The following PTPRD variants were observed in gnomAD, a reference collection of about 807,000 sequenced individuals.
PTPRD encodes the protein receptor-type tyrosine-protein phosphatase delta.
PTPRD carries 34 observed loss-of-function variants against 214.5 expected under a neutral mutation model. That is an observed-to-expected ratio of 0.16 (90% CI 0.12 to 0.21). PTPRD has a LOEUF of 0.21. Ranked by LOEUF, PTPRD falls within the 10% of genes least tolerant of loss-of-function variation. The probability of loss-of-function intolerance (pLI) is 1.00; values close to 1 mark genes in which losing one functional copy is unlikely to be tolerated. For missense variants in PTPRD, 2,545 were observed against 2,398.7 expected (o/e 1.06, Z -1.27); for synonymous variants, 1,128 against 845.7 (o/e 1.33, Z -5.79).
At chr9:9,173,258 A>G (rs1206729038) in intron 10 of PTPRD, among the ~76,000 whole-genome samples, 1 of 152,076 alleles carries the variant, frequency 6.6e-6, no homozygotes, top group African/African-American at 2.4e-5. Flanking sequence ...CTCCTTACTC[A>G]ATACTTTAAT....
intron 39 of PTPRD, among the ~76,000 whole-genome samples, chr9:8,348,677 C>T (rs1473468173): frequency 6.6e-6 from 1 of 152,104 alleles, no homozygotes; most frequent in Non-Finnish European, 1.5e-5. Context: ...ATTTTCATTA[C>T]AAGATTCTTG....
At chr9:9,673,957 G>A (rs1311073398) in intron 7 of PTPRD, among the ~76,000 whole-genome samples, 1 of 151,716 alleles carries the variant, frequency 6.6e-6, no homozygotes, top group Non-Finnish European at 1.5e-5. Context: ...CAAGAAAAAT[G>A]ATGAAATAAT....
chr9:9,465,384 G>C (rs1237811180), intron 8 of PTPRD, among the ~76,000 whole-genome samples: 1 of 152,072 alleles, frequency 6.6e-6, no homozygotes, highest in African/African-American at 2.4e-5. Context: ...TAAACAAGAT[G>C]GTATTTTATA....
intron 11 of PTPRD, among the ~76,000 whole-genome samples, chr9:8,812,996 C>T (rs10739171): frequency 0.8 from 122,282 of 151,914 alleles, 49,969 homozygotes; most frequent in East Asian, 0.93. Flanking sequence ...CTTTTGCTTC[C>T]GCTCCTCATG....
chr9:8,774,190 T>C (rs78174257), intron 11 of PTPRD, among the ~76,000 whole-genome samples: 168 of 152,286 alleles, frequency 1.1e-3, no homozygotes, highest in African/African-American at 3.8e-3. Context: ...TAAATATATC[T>C]TAACTGGGAT....
Position 10,576,619 on chromosome 9 carries a change from T to C in PTPRD, c.-600+35779A>G, listed in dbSNP as rs577056392. ...ACTGATTTTCTTCCCTGCTAAACGA[T>C]TGTCTCATCACTGAAGCTTCAGCAA... On this transcript the variant is annotated intron_variant, in intron 2 of 45. Coordinates refer to ENST00000381196, the MANE Select transcript of PTPRD (RefSeq NM_002839.4). Among the ~76,000 whole-genome samples the C allele has an allele frequency of 1.2e-4, 19 of 152,196 alleles. No individual in the cohort carries two copies. In the South Asian group the frequency reaches 1.7e-3, roughly 13 times the overall value.
chr9:10,499,129 A>C (rs1170006218), intron 2 of PTPRD, among the ~76,000 whole-genome samples: 1 of 151,944 alleles, frequency 6.6e-6, no homozygotes, highest in East Asian at 1.9e-4. Context: ...TTTGTTACCA[A>C]AGAAAATTCA....
chr9:8,375,764 C>G (rs1295994965), intron 39 of PTPRD, among the ~76,000 whole-genome samples, 172 bp downstream of exon 39: 1 of 152,052 alleles, frequency 6.6e-6, no homozygotes, highest in African/African-American at 2.4e-5. Flanking sequence ...AAATATGCAT[C>G]TATGTCAAAT....
chr9:8,832,603 G>A (rs1358658288), intron 11 of PTPRD, among the ~76,000 whole-genome samples: 1 of 151,978 alleles, frequency 6.6e-6, no homozygotes, highest in East Asian at 1.9e-4. Flanking sequence ...ATTAACCAGT[G>A]TTTGCACCCA....
chr9:8,628,397 C>T (rs116953029), intron 14 of PTPRD, among the ~76,000 whole-genome samples: 9 of 151,884 alleles, frequency 5.9e-5, no homozygotes, highest in Non-Finnish European at 1.2e-4. Context: ...ATTATGCAAA[C>T]ATTTCTATTT....
intron 3 of PTPRD, among the ~76,000 whole-genome samples, chr9:10,219,022 C>A (rs948830090): frequency 2.0e-5 from 3 of 151,574 alleles, no homozygotes; most frequent in Admixed American, 6.6e-5. Context: ...AAAAACAAAC[C>A]GAGGCACCAC....
At chr9:10,000,349 T>A (rs767699883) in intron 4 of PTPRD, among the ~76,000 whole-genome samples, 2 of 152,252 alleles carry the variant, frequency 1.3e-5, no homozygotes, top group Middle Eastern at 3.4e-3. Context: ...ATTTTTAACC[T>A]TCTTGTAAAA....
intron 8 of PTPRD, among the ~76,000 whole-genome samples, chr9:9,447,647 C>T (rs2090887937): frequency 6.6e-6 from 1 of 151,996 alleles, no homozygotes. Flanking sequence ...GAGAAACCTG[C>T]ACATGTACCC....
At chr9:8,758,536 T>C (rs758190275) in intron 11 of PTPRD, among the ~76,000 whole-genome samples, 1 of 152,150 alleles carries the variant, frequency 6.6e-6, no homozygotes, top group Non-Finnish European at 1.5e-5. Flanking sequence ...AGAGAAATGC[T>C]AGAATGAAAG....
intron 11 of PTPRD, among the ~76,000 whole-genome samples, chr9:8,786,953 G>A (rs1399279375): frequency 6.6e-6 from 1 of 151,628 alleles, no homozygotes; most frequent in East Asian, 2.0e-4. Context: ...TGCCCAGGCT[G>A]CAGTGTAGTG....
At chr9:8,371,733 C>A (rs942879807) in intron 39 of PTPRD, among the ~76,000 whole-genome samples, 3 of 151,970 alleles carry the variant, frequency 2.0e-5, no homozygotes, top group African/African-American at 7.2e-5. Flanking sequence ...TTTGCAACCT[C>A]TGCAATACAA....
At chr9:8,735,540 C>A (rs1017648271) in intron 11 of PTPRD, among the ~76,000 whole-genome samples, 1 of 152,150 alleles carries the variant, frequency 6.6e-6, no homozygotes, top group African/African-American at 2.4e-5. Flanking sequence ...AGTCCAGAGA[C>A]CACACTTTGA....
At chr9:9,680,138 C>A (rs550023359) in intron 7 of PTPRD, among the ~76,000 whole-genome samples, 9 of 151,952 alleles carry the variant, frequency 5.9e-5, no homozygotes, top group African/African-American at 1.9e-4. Context: ...AGCTTCTCAA[C>A]CTTACAGAGA....
chr9:8,923,128 G>C (rs894139976), intron 11 of PTPRD, among the ~76,000 whole-genome samples: 1 of 149,774 alleles, frequency 6.7e-6, no homozygotes, highest in Non-Finnish European at 1.5e-5. Flanking sequence ...TGAAACCTCC[G>C]CCTCCTGGGT....
Sources: gnomAD v4.1 joint callset for allele counts (sites outside exome capture counted in the v4.1 genomes callset) on GRCh38, gnomAD v4.1.1 for gene constraint, MANE v1.5 for transcripts, NCBI Gene and HGNC (gene_info 2026-07-23, HGNC 2026-07-21) for gene names.